The following TECTA variants were observed in gnomAD, a reference collection of about 807,000 sequenced individuals.
The protein encoded by TECTA is tectorin alpha.
A neutral mutation model predicts 216.8 loss-of-function variants in TECTA; 128 were observed. The observed-to-expected ratio is 0.59, with a 90% confidence interval of 0.51 to 0.68. The LOEUF is 0.68. Ranked by LOEUF, TECTA falls within the 30% of genes least tolerant of loss-of-function variation. The probability of loss-of-function intolerance (pLI) is 0.00; values close to 1 mark genes in which losing one functional copy is unlikely to be tolerated. For synonymous variants in TECTA, 1,089 were observed against 1,117.1 expected (o/e 0.97, Z 0.50); for missense variants, 2,551 against 2,786.2 (o/e 0.92, Z 1.90).
intron 10 of TECTA, 90 bp from the exon 11 acceptor site, chr11:121,137,331 C>T (rs1946739252): frequency 8.4e-6 from 13 of 1,545,712 alleles, no homozygotes; most frequent in Middle Eastern, 3.4e-4. Context: ...CACAAACACA[C>T]ATGCACTCAT....
chr11:121,189,108 C>T lies in TECTA; in HGVS notation c.6191C>T (p.Thr2064Ile). Residue 2064 changes from threonine to isoleucine, a missense_variant, in exon 22 of 24, where the codon ACA becomes ATA. Transcript: ENST00000392793. ...TGCCCACACAATTCCAGGATTGCCA[C>T]AGATTACACAAAAGAGCCCAAAGAA... ...ITCPHNSRIATDYTKEPKEQI... is the reference protein window; with the variant it reads ...ITCPHNSRIAIDYTKEPKEQI... 1 of 1,614,166 alleles carries T rather than the reference C, an allele frequency of 6.2e-7. No individual in the cohort carries two copies. The highest frequency in any genetic ancestry group is 1.1e-5 in the South Asian group (1 of 91,082).
At position 121,125,380 on chromosome 11, in the gene TECTA, G is replaced by A; in HGVS notation, c.1282G>A (p.Ala428Thr). The change falls in exon 8 of 24, where the codon GCC becomes ACC. Residue 428 changes from alanine to threonine, a missense_variant. Transcript: ENST00000392793. ...VKIYQSGIST[A>T]VETDFGLLVT... ...AATCTACCAGAGTGGCATATCTACT[G>A]CCGTGGAAACAGATTTTGGGCTCTT... 6.2e-7 allele frequency: 1 copy of A among 1,614,236 alleles called. No homozygotes were observed. The highest frequency in any genetic ancestry group is 1.3e-5 in the African/African-American group (1 of 75,062).
At chr11:121,190,633 C>A in intron 23 of TECTA, 73 bp from the exon 24 acceptor site, 1 of 1,189,120 alleles carries the variant, frequency 8.4e-7, no homozygotes, top group Non-Finnish European at 1.3e-6. Flanking sequence ...CTGAGTGCTG[C>A]AAAGATGTCT....
chr11:121,158,853 C>G (rs1946970819), intron 14 of TECTA, among the ~76,000 whole-genome samples: 1 of 152,156 alleles, frequency 6.6e-6, no homozygotes, highest in Admixed American at 6.5e-5. Flanking sequence ...GTAAACCCCC[C>G]ACCCATCCTC....
chr11:121,141,821 C>T (rs1176261503), intron 11 of TECTA, among the ~76,000 whole-genome samples: 1 of 152,192 alleles, frequency 6.6e-6, no homozygotes, highest in East Asian at 1.9e-4. Flanking sequence ...AAAAATGAAT[C>T]AAACATGGCC....
intron 12 of TECTA, among the ~76,000 whole-genome samples, chr11:121,146,429 C>G: frequency 6.6e-6 from 1 of 151,830 alleles, no homozygotes; most frequent in Non-Finnish European, 1.5e-5. Flanking sequence ...AGAATGCTAA[C>G]GAGATTAATG....
At position 121,108,288 on chromosome 11, in the gene TECTA, T is replaced by TAC. The variant is rs371686379; in HGVS notation, c.199-912_199-911dup. ...ACGCATGCCACCCCCAGTACACACA[T>TAC]ACACACACACACCACTCCCAGTACA... On this transcript the variant is annotated intron_variant, in intron 3 of 23. Transcript: ENST00000392793. Among the ~76,000 whole-genome samples, 2 of 148,600 alleles carry TAC rather than the reference T, an allele frequency of 1.3e-5. 1 individual carries two copies. Among genetic ancestry groups the TAC allele is most frequent in the Non-Finnish European group, 3.0e-5 (2 of 66,894 alleles).
chr11:121,162,467 A>G, intron 16 of TECTA, 97 bp downstream of exon 16: 1 of 1,414,138 alleles, frequency 7.1e-7, no homozygotes, highest in Non-Finnish European at 9.6e-7. Flanking sequence ...GGTCCTCTCC[A>G]GATTTACTCA....
chr11:121,164,469 C>G (rs1050551965), intron 16 of TECTA, among the ~76,000 whole-genome samples: 1 of 152,134 alleles, frequency 6.6e-6, no homozygotes, highest in Non-Finnish European at 1.5e-5. Flanking sequence ...AAATGAACAT[C>G]TAAAAGACAA....
At position 121,118,311 on chromosome 11, in the gene TECTA, T is replaced by A; in HGVS notation, c.796T>A (p.Phe266Ile). The change falls in exon 7 of 24, where the codon TTC becomes ATC. Residue 266 changes from phenylalanine to isoleucine, a missense_variant. Phe to Ile is a conservative substitution (Grantham distance 21). Around this residue, in one of 3 missense-constraint regions of TECTA, gnomAD observed 2,375 missense variants for 2,563.9 expected, o/e 0.93. Coordinates refer to ENST00000392793, the MANE Select transcript of TECTA (RefSeq NM_005422.4). ...PANGCTSRGQ[F>I]LRRGEVFWDD... Reference sequence around the variant, plus strand: ...CTAATGTCATTATTCCCCAGGACAATTCCTTCGGCGAGGGGAGGTGTTTTG... The same window carrying A: ...CTAATGTCATTATTCCCCAGGACAAATCCTTCGGCGAGGGGAGGTGTTTTG... 2 of 1,614,140 alleles carry A rather than the reference T, an allele frequency of 1.2e-6. 1 individual carries two copies. Among genetic ancestry groups the A allele is most frequent in the South Asian group, 2.2e-5 (2 of 91,074 alleles).
chr11:121,132,702 G>T (rs181316955), intron 10 of TECTA, among the ~76,000 whole-genome samples: 2 of 151,970 alleles, frequency 1.3e-5, no homozygotes, highest in Non-Finnish European at 2.9e-5. Flanking sequence ...GTCCAATACC[G>T]CAGAGTTTTC....
At position 121,184,148 on chromosome 11, in the gene TECTA, C is replaced by A. The variant is rs930095230; in HGVS notation, c.6000-3684C>A. ...AATCACAATTCTAAGTGGTAGAGAC[C>A]CATTCAAACTAGTTTATGCAAAAAC... On this transcript the variant is annotated intron_variant, in intron 20 of 23. Transcript: ENST00000392793. 2.0e-5 allele frequency among the ~76,000 whole-genome samples: 3 copies of A among 152,226 alleles called. No homozygotes were observed. The South Asian group carries it at 6.2e-4, about 32-fold the overall frequency.
intron 20 of TECTA, among the ~76,000 whole-genome samples, chr11:121,169,509 C>A (rs1947090118): frequency 6.6e-6 from 1 of 152,112 alleles, no homozygotes; most frequent in African/African-American, 2.4e-5. Context: ...AACAAAAATA[C>A]TTTCTGGTTA....
intron 12 of TECTA, among the ~76,000 whole-genome samples, chr11:121,152,675 A>G (rs970980992): frequency 1.3e-5 from 2 of 152,122 alleles, no homozygotes; most frequent in Non-Finnish European, 2.9e-5. Flanking sequence ...CTCCGTCTGC[A>G]TGTTGGCCCT....
chr11:121,189,930 C>T, intron 23 of TECTA, 50 bp downstream of exon 23: 1 of 1,466,850 alleles, frequency 6.8e-7, no homozygotes, highest in Non-Finnish European at 9.5e-7. Context: ...ACGGGAGGTT[C>T]TTTACCACCA....
chr11:121,150,303 A>G (rs1946877209), intron 12 of TECTA, among the ~76,000 whole-genome samples: 1 of 152,242 alleles, frequency 6.6e-6, no homozygotes, highest in Admixed American at 6.5e-5. Flanking sequence ...AGGGCAAACT[A>G]GCTGGGAAAA....
rs760441668 is a variant in TECTA at position 121,113,072 on chromosome 11, G to A, written c.487G>A (p.Val163Met). 20 of 1,613,956 alleles carry A rather than the reference G, an allele frequency of 1.2e-5. No individual in the cohort carries two copies. Among genetic ancestry groups the A allele is most frequent in the Non-Finnish European group, 1.6e-5 (19 of 1,180,014 alleles). Residue 163 changes from valine (V) to methionine (M), a missense_variant and splice_region_variant, in exon 5 of 24, where the codon GTG (valine) becomes ATG (methionine). Transcript: ENST00000392793. The surrounding 1 kb of genome is among the most constrained non-coding windows in gnomAD (Gnocchi z 4.2). ...TFYGGSSTTP[V>M]NTFQAVLVSD... ...GAGACTGCGCATTCCCATCCTGTAG[G>A]TGAACACCTTCCAGGCCGTCCTAGT... is the stretch of plus-strand genomic sequence containing the variant.
At position 121,168,095 on chromosome 11, in the gene TECTA, C is replaced by A. The variant is rs760723785; in HGVS notation, c.5628C>A (p.Ile1876=). The part of the protein sequence containing the change: ...THIMYKNTLW[I]ESANNTGNII... ...TCATGTATAAAAACACACTCTGGAT[C>A]GAAAGCGCCAACAACACTGGCAACA... Residue 1876 remains isoleucine, a synonymous_variant, in exon 19 of 24, where the codon ATC becomes ATA. Coordinates refer to ENST00000392793, the MANE Select transcript of TECTA (RefSeq NM_005422.4). 3.7e-6 allele frequency: 6 copies of A among 1,614,146 alleles called. 1 individual carries two copies. Among genetic ancestry groups the A allele is most frequent in the South Asian group, 3.3e-5 (3 of 91,078 alleles).
At position 121,105,777 on chromosome 11, in the gene TECTA, T is replaced by C. The variant is rs554583092; in HGVS notation, c.65-54T>C. On this transcript the variant is annotated intron_variant, in intron 2 of 23. Coordinates refer to ENST00000392793, the MANE Select transcript of TECTA (RefSeq NM_005422.4). This position sits in a 1 kb window ranked among gnomAD's most constrained non-coding sequence, Gnocchi z 5.3. ...CTTCAGTAGGTAGGAGAGATGTAGA[T>C]TGCCAAACGGCAGAGGGAGCTGCCA... The C allele has an allele frequency of 2.5e-5, 41 of 1,611,514 alleles. No individual in the cohort carries two copies. Among genetic ancestry groups the C allele is most frequent in the African/African-American group, 1.3e-4 (10 of 75,018 alleles).
Sources: gnomAD v4.1 joint callset for allele counts (sites outside exome capture counted in the v4.1 genomes callset) on GRCh38, gnomAD v4.1.1 for gene constraint, gnomAD v4.1.1 regional missense constraint, Gnocchi (gnomAD v3.1) non-coding constraint, MANE v1.5 for transcripts, NCBI Gene and HGNC (gene_info 2026-07-23, HGNC 2026-07-21) for gene names.